GPBP1: variants seen among roughly 807,000 people sequenced by gnomAD.
GPBP1 encodes the protein GC-rich promoter binding protein 1, also known as vasculin.
GPBP1 carries 13 observed loss-of-function variants against 56.5 expected under a neutral mutation model. That is an observed-to-expected ratio of 0.23 (90% CI 0.15 to 0.37). GPBP1 has a LOEUF of 0.37. Among genes scored for constraint, GPBP1 ranks in the 10% least tolerant of loss-of-function variants. GPBP1 has a pLI of 1.00. For synonymous variants in GPBP1, 204 were observed against 188.9 expected (o/e 1.08, Z -0.66); for missense variants, 477 against 572.3 (o/e 0.83, Z 1.70).
chr5:57,227,044 T>C (rs1580043665), intron 3 of GPBP1, among the ~76,000 whole-genome samples: 6 of 151,742 alleles, frequency 4.0e-5, no homozygotes, highest in African/African-American at 1.5e-4. Context: ...CGGCCTGTAT[T>C]CTTTTGAAAT....
chr5:57,186,108 A>T (rs1754274977), intron 2 of GPBP1, among the ~76,000 whole-genome samples: 2 of 152,230 alleles, frequency 1.3e-5, no homozygotes, highest in South Asian at 4.1e-4. Flanking sequence ...AATTTTAAGT[A>T]CTGAAATAAA....
At chr5:57,178,174 TTAAA>T (rs1288147932) in intron 2 of GPBP1, among the ~76,000 whole-genome samples, 2 of 152,350 alleles carry the variant, frequency 1.3e-5, no homozygotes, top group South Asian at 2.1e-4. Flanking sequence ...AATATGCATC[TTAAA>T]TAAGATTAAG....
In GPBP1 at chr5:57,187,070, A is replaced by G. The variant is rs866347960; in HGVS notation, c.-58+10670A>G. ...TGTTTGTATGTATTATGCTAATTCTATGGAATGCTAGTCCATAAATAAAAT... is the reference window on the plus strand; with the variant it reads ...TGTTTGTATGTATTATGCTAATTCTGTGGAATGCTAGTCCATAAATAAAAT... On this transcript the variant is annotated intron_variant, in intron 2 of 11. Transcript: ENST00000506184. Among the ~76,000 whole-genome samples, 10 of 151,660 alleles carry G rather than the reference A, an allele frequency of 6.6e-5. No individual in the cohort carries two copies. The East Asian group carries it at 1.6e-3, about 24-fold the overall frequency.
chr5:57,208,083 G>A (rs190026574), intron 2 of GPBP1, among the ~76,000 whole-genome samples: 15 of 152,178 alleles, frequency 9.9e-5, no homozygotes, highest in Admixed American at 4.6e-4. Context: ...ACCTAGATCC[G>A]TGGGCACAGA....
At position 57,220,828 on chromosome 5, in the gene GPBP1, A is replaced by G. The variant is rs149493090; in HGVS notation, c.63+6635A>G. ...GCCCAAAGTGGTTTTGACAAACACAATACTTTCTAGTGATACTTTTATTGT... is the reference window on the plus strand; with the variant it reads ...GCCCAAAGTGGTTTTGACAAACACAGTACTTTCTAGTGATACTTTTATTGT... On this transcript the variant is annotated intron_variant, in intron 3 of 11. Coordinates refer to ENST00000506184, the MANE Select transcript of GPBP1 (RefSeq NM_022913.4). 3.2e-3 allele frequency among the ~76,000 whole-genome samples: 483 copies of G among 149,692 alleles called. 4 individuals are homozygous for G. Among genetic ancestry groups the G allele is most frequent in the African/African-American group, 0.011 (460 of 40,590 alleles).
chr5:57,236,619 A>ACTG (rs1195451809), intron 6 of GPBP1, among the ~76,000 whole-genome samples: 1 of 152,044 alleles, frequency 6.6e-6, no homozygotes, highest in Non-Finnish European at 1.5e-5. Flanking sequence ...TTTTTAAAAG[A>ACTG]CTGCTGACAG....
At chr5:57,179,929 A>G (rs745757069) in intron 2 of GPBP1, among the ~76,000 whole-genome samples, 2 of 151,930 alleles carry the variant, frequency 1.3e-5, no homozygotes, top group African/African-American at 2.4e-5. Context: ...AAATAGTTAC[A>G]TGGATTTTTG....
At position 57,262,665 on chromosome 5, in the gene GPBP1, G is replaced by C; in HGVS notation, c.1335G>C (p.Pro445=). The change falls in exon 12 of 12, where the codon CCG becomes CCC. Residue 445 remains proline (P), a synonymous_variant. Transcript: ENST00000506184. ...TGATCTGTGACTTCAAGTTTGGACCGTGGAAGAACAGCACTTTCAAACCCA... is the reference window on the plus strand; with the variant it reads ...TGATCTGTGACTTCAAGTTTGGACCCTGGAAGAACAGCACTTTCAAACCCA... The part of the protein sequence containing the change: ...NGLICDFKFG[P]WKNSTFKPTT... 6.2e-7 allele frequency: 1 copy of C among 1,613,528 alleles called. No homozygotes were observed. The highest frequency in any genetic ancestry group is 8.5e-7 in the Non-Finnish European group (1 of 1,179,544).
In GPBP1 at chr5:57,175,971, G is replaced by A; in HGVS notation, c.-487G>A. On this transcript the variant is annotated 5_prime_UTR_variant, in exon 2 of 12. Coordinates refer to ENST00000506184, the MANE Select transcript of GPBP1 (RefSeq NM_022913.4). ...TTTCCTTTTATCTTTTATTTACGTG[G>A]AAATTTAAGATGTTGCAGTTTTCCG... The A allele has an allele frequency of 2.5e-6, 1 of 398,496 alleles. No individual in the cohort carries two copies. The highest frequency in any genetic ancestry group is 4.4e-6 in the Non-Finnish European group (1 of 226,036). The allele number at this position is 398,496 out of a possible 1,614,324, so 24.7% of individuals were successfully genotyped here. A position where few individuals can be genotyped will look rare whatever the true frequency, so the allele number is the denominator to read the frequency against.
chr5:57,238,195 A>G (rs1740628416), intron 6 of GPBP1, among the ~76,000 whole-genome samples: 1 of 152,226 alleles, frequency 6.6e-6, no homozygotes, highest in African/African-American at 2.4e-5. Flanking sequence ...TAATTGTTTG[A>G]TTGATTTCTT....
Position 57,175,672 on chromosome 5 carries a change from A to G in GPBP1, c.-786A>G. 2.5e-6 allele frequency: 1 copy of G among 396,486 alleles called. No individual in the cohort carries two copies. Among genetic ancestry groups the G allele is most frequent in the Non-Finnish European group, 4.4e-6 (1 of 225,280 alleles). The allele number at this position is 396,486 out of a possible 1,614,324, so 24.6% of individuals were successfully genotyped here. ...AGCATTTCTTCAGTATTTTGGTTCA[A>G]ACGGATTATATAACTGGTTACAGTA... On this transcript the variant is annotated 5_prime_UTR_variant, in exon 2 of 12. Coordinates refer to ENST00000506184, the MANE Select transcript of GPBP1 (RefSeq NM_022913.4).
chr5:57,199,178 T>C (rs1402555706), intron 2 of GPBP1, among the ~76,000 whole-genome samples: 1 of 152,216 alleles, frequency 6.6e-6, no homozygotes, highest in Non-Finnish European at 1.5e-5. Flanking sequence ...ACATACAAAA[T>C]AGTTGTACGT....
intron 10 of GPBP1, among the ~76,000 whole-genome samples, chr5:57,256,594 C>T (rs566606470): frequency 6.6e-6 from 1 of 151,782 alleles, no homozygotes; most frequent in Non-Finnish European, 1.5e-5. Flanking sequence ...AGGGGGCAAA[C>T]AATAAGAACA....
At chr5:57,255,298 A>AT (rs1362018754) in intron 10 of GPBP1, among the ~76,000 whole-genome samples, 1 of 151,384 alleles carries the variant, frequency 6.6e-6, no homozygotes, top group African/African-American at 2.4e-5. Flanking sequence ...TGTTATCAGC[A>AT]TCCTTGTATT....
intron 2 of GPBP1, among the ~76,000 whole-genome samples, chr5:57,198,668 G>A (rs1455435485): frequency 6.8e-6 from 1 of 146,216 alleles, no homozygotes; most frequent in Non-Finnish European, 1.5e-5. Flanking sequence ...GGCCAACATG[G>A]TACAACCTTG....
chr5:57,186,077 C>T (rs938562877), intron 2 of GPBP1, among the ~76,000 whole-genome samples: 1 of 151,986 alleles, frequency 6.6e-6, no homozygotes, highest in Non-Finnish European at 1.5e-5. Context: ...TTTCTTGATA[C>T]AGTGTCTTTT....
chr5:57,211,699 T>C (rs1755488003), intron 2 of GPBP1, among the ~76,000 whole-genome samples: 1 of 151,908 alleles, frequency 6.6e-6, no homozygotes, highest in African/African-American at 2.4e-5. Flanking sequence ...TTCTCCTGCC[T>C]CAGCCTCCTG....
chr5:57,251,575 C>CT (rs201993755), intron 10 of GPBP1, among the ~76,000 whole-genome samples: 6,866 of 133,268 alleles, frequency 0.052, 206 homozygotes, highest in Middle Eastern at 0.11. Flanking sequence ...GTTTCCACCT[C>CT]TTTTTTTTTT....
intron 2 of GPBP1, among the ~76,000 whole-genome samples, chr5:57,210,869 C>T (rs1755446627): frequency 6.6e-6 from 1 of 152,160 alleles, no homozygotes; most frequent in African/African-American, 2.4e-5. Context: ...CTTATAAGGG[C>T]ACAGTCTGAT....
Sources: gnomAD v4.1 joint callset for allele counts (sites outside exome capture counted in the v4.1 genomes callset) on GRCh38, gnomAD v4.1.1 for gene constraint, MANE v1.5 for transcripts, NCBI Gene and HGNC (gene_info 2026-07-23, HGNC 2026-07-21) for gene names.